TAFA5: variants seen among roughly 807,000 people sequenced by gnomAD.
The protein encoded by TAFA5 is chemokine-like protein TAFA-5.
Under a neutral mutation model 15.3 loss-of-function variants are expected in TAFA5, and 6 were observed. The observed-to-expected ratio is 0.39, with a 90% confidence interval of 0.21 to 0.77. The LOEUF (loss-of-function observed/expected upper bound fraction) is 0.77, where lower values mean the gene tolerates loss of function less well. TAFA5 is among the 30% of genes least tolerant of loss of function. The pLI is 0.41. For missense variants in TAFA5, 161 were observed against 193.1 expected, an observed-to-expected ratio of 0.83 and a Z score of 0.98; for synonymous variants, 103 against 80.7, an observed-to-expected ratio of 1.28 and a Z score of -1.48.
intron 1 of TAFA5, among the ~76,000 whole-genome samples, chr22:48,575,927 G>A (rs1283460144): frequency 7.0e-6 from 1 of 143,664 alleles, no homozygotes; most frequent in Non-Finnish European, 1.5e-5. Flanking sequence ...CGGAGCGAGC[G>A]CGGGCGGCGG....
At chr22:48,594,314 G>C (rs1000301629) in intron 1 of TAFA5, among the ~76,000 whole-genome samples, 3 of 152,200 alleles carry the variant, frequency 2.0e-5, no homozygotes, top group Admixed American at 6.5e-5. Context: ...GGAGAGAAAT[G>C]GGGGGACCAG....
intron 1 of TAFA5, among the ~76,000 whole-genome samples, chr22:48,562,672 A>G (rs1923278904): frequency 6.6e-6 from 1 of 152,152 alleles, no homozygotes; most frequent in Non-Finnish European, 1.5e-5. Context: ...TGCCAGGAAA[A>G]GCTGCCTTCC....
intron 1 of TAFA5, among the ~76,000 whole-genome samples, chr22:48,541,264 A>G (rs1177092652): frequency 1.3e-5 from 2 of 151,978 alleles, no homozygotes; most frequent in Non-Finnish European, 2.9e-5. Flanking sequence ...CCAGGACCCT[A>G]TACCCCCTGG....
intron 1 of TAFA5, chr22:48,576,252 CG>C: frequency 1.9e-6 from 1 of 517,704 alleles, no homozygotes; most frequent in Non-Finnish European, 2.8e-6. Flanking sequence ...CGCCCCCGCC[CG>C]CCCCCTCCGC....
intron 1 of TAFA5, chr22:48,546,621 G>T (rs947720278): frequency 4.2e-6 from 2 of 470,966 alleles, no homozygotes; most frequent in African/African-American, 4.0e-5. Flanking sequence ...GATCAAGAGT[G>T]CGTGAGGGCA....
intron 1 of TAFA5, among the ~76,000 whole-genome samples, chr22:48,569,761 G>C (rs1310292082): frequency 6.6e-6 from 1 of 152,214 alleles, no homozygotes. Flanking sequence ...GGCCTTGCTT[G>C]GGTTCCGGGT....
At chr22:48,499,605 C>T (rs111871496) in intron 1 of TAFA5, among the ~76,000 whole-genome samples, 4,039 of 152,272 alleles carry the variant, frequency 0.027, 173 homozygotes, top group African/African-American at 0.092. Context: ...AGGGGGGTGG[C>T]GCCGGGGTCA....
At chr22:48,539,314 A>G (rs1922278044) in intron 1 of TAFA5, 1 of 466,862 alleles carries the variant, frequency 2.1e-6, no homozygotes, top group South Asian at 1.6e-5. Context: ...TATTTGCCAG[A>G]TAATCGGAGG....
At chr22:48,690,415 C>A (rs1198850376) in intron 2 of TAFA5, among the ~76,000 whole-genome samples, 1 of 152,142 alleles carries the variant, frequency 6.6e-6, no homozygotes, top group East Asian at 1.9e-4. Flanking sequence ...ACAGCCGTAC[C>A]AGGGCCTGTG....
At chr22:48,615,772 G>T (rs1264392315) in intron 1 of TAFA5, among the ~76,000 whole-genome samples, 1 of 152,148 alleles carries the variant, frequency 6.6e-6, no homozygotes, top group East Asian at 1.9e-4. Context: ...TCAGGGGAGG[G>T]CCAGGTCATT....
rs8139180 is a variant in TAFA5 at position 48,713,302 on chromosome 22, G to A, written c.390+5458G>A. Among the ~76,000 whole-genome samples, 1,493 of 152,334 alleles carry A rather than the reference G, an allele frequency of 9.8e-3. 28 individuals are homozygous for A. Among genetic ancestry groups the A allele is most frequent in the African/African-American group, 0.033 (1,356 of 41,572 alleles). ...GCAGACGGCAGCTGCCGCTGATCTC[G>A]TGGGGGCTCGGATGTCTAAATTCCA... is the stretch of plus-strand genomic sequence containing the variant. On this transcript the variant is annotated intron_variant, in intron 3 of 3. Transcript: ENST00000402357.
At chr22:48,739,445 C>G (rs969796697) in intron 3 of TAFA5, among the ~76,000 whole-genome samples, 1 of 152,184 alleles carries the variant, frequency 6.6e-6, no homozygotes, top group Admixed American at 6.5e-5. Flanking sequence ...TTCCCCAGCT[C>G]TCCACCTCAT....
chr22:48,526,435 C>T (rs1921784772), intron 1 of TAFA5, among the ~76,000 whole-genome samples: 1 of 152,234 alleles, frequency 6.6e-6, no homozygotes, highest in Non-Finnish European at 1.5e-5. Context: ...TCGCCCCAGA[C>T]ACATCTGAAT....
At chr22:48,589,012 G>A (rs1382483730) in intron 1 of TAFA5, among the ~76,000 whole-genome samples, 1 of 152,150 alleles carries the variant, frequency 6.6e-6, no homozygotes, top group East Asian at 1.9e-4. Flanking sequence ...CTTCTGATTC[G>A]CTTCACCGAT....
At chr22:48,572,420 C>G (rs1923621858) in intron 1 of TAFA5, among the ~76,000 whole-genome samples, 2 of 152,254 alleles carry the variant, frequency 1.3e-5, no homozygotes, top group African/African-American at 4.8e-5. Flanking sequence ...AGGGTCCCCA[C>G]ATTTGCTGGT....
chr22:48,714,158 C>A (rs1267172662), intron 3 of TAFA5, among the ~76,000 whole-genome samples: 1 of 152,260 alleles, frequency 6.6e-6, no homozygotes, highest in Non-Finnish European at 1.5e-5. Flanking sequence ...TGGGAGACAG[C>A]AGACGCTTTT....
rs984493766 is a variant in TAFA5 at position 48,560,862 on chromosome 22, G to C, written c.112+71158G>C. 1.2e-4 allele frequency among the ~76,000 whole-genome samples: 18 copies of C among 151,966 alleles called. No individual in the cohort carries two copies. The highest frequency in any genetic ancestry group is 1.8e-4 in the Non-Finnish European group (12 of 68,002). ...TGACCTCAGGTGATCCACCCACCTC[G>C]GCCTCCCAAAGTTCTGGGATTACAG... is the stretch of plus-strand genomic sequence containing the variant. On this transcript the variant is annotated intron_variant, in intron 1 of 3. Transcript: ENST00000402357. This position sits in a 1 kb window ranked among gnomAD's most constrained non-coding sequence, Gnocchi z 4.2.
intron 2 of TAFA5, among the ~76,000 whole-genome samples, chr22:48,648,135 G>A (rs1386780203): frequency 6.6e-6 from 1 of 152,192 alleles, no homozygotes; most frequent in African/African-American, 2.4e-5. Context: ...ACATGGTTGC[G>A]AGCATCTCAG....
At chr22:48,685,591 C>T (rs1189589894) in intron 2 of TAFA5, among the ~76,000 whole-genome samples, 1 of 152,054 alleles carries the variant, frequency 6.6e-6, no homozygotes, top group Admixed American at 6.5e-5. Context: ...TACTGCTGGT[C>T]AGTGGGGCCT....
Sources: allele counts gnomAD v4.1 joint callset (sites outside exome capture counted in the v4.1 genomes callset), GRCh38; gene constraint gnomAD v4.1.1; non-coding constraint Gnocchi (gnomAD v3.1); transcripts MANE v1.5; gene names NCBI Gene and HGNC (gene_info 2026-07-23, HGNC 2026-07-21).